LIN28B: variants seen among roughly 807,000 people sequenced by gnomAD.
The protein encoded by LIN28B is protein lin-28 homolog B.
In LIN28B, 5 loss-of-function variants were observed where a neutral mutation model predicts 21.9. The observed-to-expected ratio is 0.23, with a 90% confidence interval of 0.12 to 0.48. LIN28B has a LOEUF of 0.48. Among genes scored for constraint, LIN28B ranks in the 20% least tolerant of loss-of-function variants. The probability of loss-of-function intolerance (pLI) is 0.98; values close to 1 mark genes in which losing one functional copy is unlikely to be tolerated. For synonymous variants in LIN28B, 109 were observed against 111.3 expected, an observed-to-expected ratio of 0.98 and a Z score of 0.13; for missense variants, 245 against 310.5, an observed-to-expected ratio of 0.79 and a Z score of 1.58.
chr6:104,961,368 A>T (rs1769734602), intron 2 of LIN28B, among the ~76,000 whole-genome samples: 1 of 152,096 alleles, frequency 6.6e-6, no homozygotes, highest in Non-Finnish European at 1.5e-5. Context: ...AAGTAAGGAT[A>T]TACGTGGTTA....
intron 2 of LIN28B, among the ~76,000 whole-genome samples, chr6:104,945,540 T>C (rs1049707162): frequency 1.3e-5 from 2 of 152,124 alleles, no homozygotes; most frequent in Non-Finnish European, 2.9e-5. Flanking sequence ...CTTTAAAGTT[T>C]TGTCTTAAAG....
intron 3 of LIN28B, among the ~76,000 whole-genome samples, chr6:105,078,062 G>A (rs1245485859): frequency 6.6e-6 from 1 of 151,950 alleles, no homozygotes; most frequent in African/African-American, 2.4e-5. Context: ...TTGAATATTC[G>A]CTGCCCTCTA....
intron 3 of LIN28B, 72 bp from the exon 4 acceptor site, chr6:105,078,342 T>G: frequency 7.2e-7 from 1 of 1,384,750 alleles, no homozygotes; most frequent in Non-Finnish European, 9.8e-7. Context: ...TTTGTGTGTT[T>G]TCACATTTTA....
At chr6:104,978,639 G>A (rs1307642516) in intron 2 of LIN28B, among the ~76,000 whole-genome samples, 2 of 151,796 alleles carry the variant, frequency 1.3e-5, no homozygotes, top group East Asian at 3.9e-4. Context: ...GATAAAAGGG[G>A]TGATGGAGCC....
intron 2 of LIN28B, among the ~76,000 whole-genome samples, chr6:104,946,707 A>G (rs112308985): frequency 1.1e-3 from 175 of 152,310 alleles, no homozygotes; most frequent in Admixed American, 1.8e-3. Context: ...TTGCTAGGAA[A>G]GAAAAATGTG....
At chr6:105,067,480 G>T (rs188339643) in intron 3 of LIN28B, among the ~76,000 whole-genome samples, 87 of 152,290 alleles carry the variant, frequency 5.7e-4, no homozygotes, top group Non-Finnish European at 1.1e-3. Context: ...CTGCATGTGA[G>T]ACTGGGTCCT....
chr6:104,990,231 C>T (rs1770433282), intron 2 of LIN28B, among the ~76,000 whole-genome samples: 2 of 150,630 alleles, frequency 1.3e-5, no homozygotes, highest in South Asian at 4.2e-4. Context: ...TAGTATGTGG[C>T]TCAGAATGTG....
upstream of LIN28B, among the ~76,000 whole-genome samples, chr6:104,955,045 C>G (rs750040747): frequency 1.6e-4 from 25 of 152,092 alleles, no homozygotes; most frequent in Non-Finnish European, 3.1e-4. Context: ...TGAATACTTT[C>G]TGAGATTTTT....
At chr6:104,957,294 T>A (rs1444400823) in intron 1 of LIN28B, 34 bp downstream of exon 1, 5 of 1,511,880 alleles carry the variant, frequency 3.3e-6, no homozygotes, top group Non-Finnish European at 3.7e-6. Flanking sequence ...TACTGTGAAT[T>A]TCTTTCTTCT....
chr6:105,062,872 AT>A lies in LIN28B; in HGVS notation c.384-15535del, dbSNP rs540499955. On this transcript the variant is annotated intron_variant, in intron 3 of 3. Transcript: ENST00000345080. The stretch of plus-strand genomic sequence containing the variant: ...TTGATTAGAATGATCAATTTGATTG[AT>A]TTTTTTCATTTCTATGTTATTTCCT... Among the ~76,000 whole-genome samples, 8 of 151,724 alleles carry A rather than the reference AT, an allele frequency of 5.3e-5. No individual in the cohort carries two copies. In the South Asian group the frequency reaches 1.0e-3, roughly 20 times the overall value.
chr6:104,958,127 G>T lies in LIN28B; in HGVS notation c.39G>T (p.Glu13Asp), dbSNP rs774142376. Reference protein sequence around the residue: ...EGGASKGGGEEPGKLPEPAEE... With the variant: ...EGGASKGGGEDPGKLPEPAEE... ...GGGCTAGCAAAGGTGGTGGAGAAGA[G>T]CCCGGGAAGCTGCCGGAGCCGGCAG... is the stretch of plus-strand genomic sequence containing the variant. Residue 13 changes from glutamate to aspartate, a missense_variant, in exon 2 of 4, where the codon GAG becomes GAT. Transcript: ENST00000345080. The T allele has an allele frequency of 6.2e-7, 1 of 1,602,598 alleles. No homozygotes were observed. The highest frequency in any genetic ancestry group is 8.5e-7 in the Non-Finnish European group (1 of 1,172,022).
chr6:104,958,307 C>A, intron 2 of LIN28B, 21 bp downstream of exon 2: 1 of 1,535,532 alleles, frequency 6.5e-7, no homozygotes, highest in Non-Finnish European at 8.9e-7. Context: ...CTTTTTTGTC[C>A]CCCTCTTCAT....
At chr6:104,971,375 G>T (rs941009648) in intron 2 of LIN28B, among the ~76,000 whole-genome samples, 1 of 152,018 alleles carries the variant, frequency 6.6e-6, no homozygotes, top group Admixed American at 6.6e-5. Flanking sequence ...AAAAGACAAT[G>T]ATATTTGGTC....
rs957200565 is a variant in LIN28B, at chr6:105,081,966, G to T, written c.*3183G>T. On this transcript the variant is annotated 3_prime_UTR_variant, in exon 4 of 4. Coordinates refer to ENST00000345080, the MANE Select transcript of LIN28B (RefSeq NM_001004317.4). ...TCTGTGTGAAGCATCACTTTGCAGG[G>T]ATTACTAATGGTGGGGCAGCAGGTC... The T allele has an allele frequency of 1.3e-5, 2 of 152,610 alleles. No individual in the cohort carries two copies. Among genetic ancestry groups the T allele is most frequent in the Non-Finnish European group, 2.9e-5 (2 of 68,024 alleles). The allele number at this position is 152,610 out of a possible 1,614,324, so 9.5% of individuals were successfully genotyped here. A position where few individuals can be genotyped will look rare whatever the true frequency, so the allele number is the denominator to read the frequency against.
chr6:104,977,243 C>G (rs1014262270), intron 2 of LIN28B, among the ~76,000 whole-genome samples: 3 of 152,130 alleles, frequency 2.0e-5, no homozygotes, highest in Non-Finnish European at 2.9e-5. Flanking sequence ...TGTAAACACA[C>G]CCTTCACTTC....
chr6:105,021,494 A>G (rs1022163227), intron 2 of LIN28B, among the ~76,000 whole-genome samples: 2 of 152,146 alleles, frequency 1.3e-5, no homozygotes, highest in African/African-American at 4.8e-5. Flanking sequence ...AACAGTGTAT[A>G]AGAGTTCTCT....
At chr6:105,026,000 T>A (rs1379973685) in intron 2 of LIN28B, among the ~76,000 whole-genome samples, 1 of 152,132 alleles carries the variant, frequency 6.6e-6, no homozygotes, top group Non-Finnish European at 1.5e-5. Context: ...TGTGGTATCT[T>A]TTTGAGCCTT....
intron 2 of LIN28B, among the ~76,000 whole-genome samples, chr6:105,019,537 GAATCTGGTCCTTACAC>G (rs1420267322): frequency 6.6e-6 from 1 of 152,166 alleles, no homozygotes; most frequent in Non-Finnish European, 1.5e-5. Flanking sequence ...AATGAAATGG[GAATCTGGTCCTTACAC>G]AAACCTTTCA....
intron 2 of LIN28B, among the ~76,000 whole-genome samples, chr6:105,004,406 A>G (rs1770776783): frequency 6.6e-6 from 1 of 152,126 alleles, no homozygotes. Flanking sequence ...TTTTGTACAG[A>G]CAACCACATT....
Sources: allele counts gnomAD v4.1 joint callset (sites outside exome capture counted in the v4.1 genomes callset), GRCh38; gene constraint gnomAD v4.1.1; transcripts MANE v1.5; gene names NCBI Gene and HGNC (gene_info 2026-07-23, HGNC 2026-07-21).